Variants in SORL1 observed in about 807,000 individuals in gnomAD.
The protein encoded by SORL1 is sortilin related receptor 1.
Under a neutral mutation model 273.7 loss-of-function variants are expected in SORL1, and 127 were observed. The observed-to-expected ratio is 0.46, with a 90% CI of 0.40 to 0.54. The LOEUF (loss-of-function observed/expected upper bound fraction) is 0.54. SORL1 is among the 20% of genes least tolerant of loss of function. The pLI is 0.00. For missense variants in SORL1, 2,494 were observed against 2,846.1 expected, an observed-to-expected ratio of 0.88 and a Z score of 2.81; for synonymous variants, 1,031 against 1,067.4, an observed-to-expected ratio of 0.97 and a Z score of 0.66.
chr11:121,453,191 T>A (rs1860838123), intron 1 of SORL1, among the ~76,000 whole-genome samples: 1 of 152,120 alleles, frequency 6.6e-6, no homozygotes, highest in Non-Finnish European at 1.5e-5. Context: ...CATTCCTTCT[T>A]CCCCACCCTT....
intron 24 of SORL1, among the ~76,000 whole-genome samples, chr11:121,574,636 A>G (rs958557095): frequency 1.3e-5 from 2 of 152,110 alleles, no homozygotes; most frequent in Admixed American, 1.3e-4. Flanking sequence ...ATGGGACCCT[A>G]GATTCCCATT....
intron 2 of SORL1, 36 bp downstream of exon 2, chr11:121,470,159 C>A: frequency 7.3e-7 from 1 of 1,376,846 alleles, no homozygotes; most frequent in Non-Finnish European, 1.0e-6. Context: ...CACCTTGGTG[C>A]CATCAACATG....
Position 121,606,435 on chromosome 11 carries a change from T to C in SORL1, c.4949-410T>C, listed in dbSNP as rs536514925. ...TCATTTGGATATAGAAATTCTGTGA[T>C]GTTACAAAATTAGTCTTATTTTTTG... On this transcript the variant is annotated intron_variant, in intron 35 of 47. Transcript: ENST00000260197. Among the ~76,000 whole-genome samples, 46 of 152,338 alleles carry C rather than the reference T, an allele frequency of 3.0e-4. 2 individuals carry two copies. In the South Asian group the frequency reaches 8.5e-3, roughly 28 times the overall value.
chr11:121,476,552 A>G (rs570174247), intron 2 of SORL1, among the ~76,000 whole-genome samples: 57 of 152,272 alleles, frequency 3.7e-4, no homozygotes, highest in Non-Finnish European at 6.3e-4. Context: ...TCTAAAGACT[A>G]TGTCTTTTAT....
chr11:121,543,757 A>G lies in SORL1; in HGVS notation c.1864+31A>G, dbSNP rs746791452. The G allele has an allele frequency of 8.8e-6, 14 of 1,593,100 alleles. No homozygotes were observed. In the South Asian group the frequency reaches 1.2e-4, roughly 14 times the overall value. On this transcript the variant is annotated intron_variant, in intron 13 of 47. Coordinates refer to ENST00000260197, the MANE Select transcript of SORL1 (RefSeq NM_003105.6). ...CTGCTGCCTCCTTGGACCTTTTCAC[A>G]TGGATATGCGTGGACTTCCTGTTAT... is the stretch of plus-strand genomic sequence containing the variant.
At chr11:121,500,402 G>A (rs535757974) in intron 6 of SORL1, among the ~76,000 whole-genome samples, 4 of 152,352 alleles carry the variant, frequency 2.6e-5, no homozygotes, top group African/African-American at 9.6e-5. Flanking sequence ...AGATGATGCA[G>A]CCACCCACGC....
At chr11:121,613,509 A>T (rs572865411) in intron 40 of SORL1, among the ~76,000 whole-genome samples, 1 of 152,306 alleles carries the variant, frequency 6.6e-6, no homozygotes, top group East Asian at 1.9e-4. Context: ...TCATAGCCTT[A>T]TAAAGTAGAG....
chr11:121,470,941 G>A (rs1229455118), intron 2 of SORL1, among the ~76,000 whole-genome samples: 4 of 152,062 alleles, frequency 2.6e-5, no homozygotes, highest in Admixed American at 1.3e-4. Context: ...CGCCTGCCTC[G>A]GCCTCCCAAA....
chr11:121,569,308 G>GA (rs552191662), intron 22 of SORL1, among the ~76,000 whole-genome samples: 135 of 152,258 alleles, frequency 8.9e-4, no homozygotes, highest in African/African-American at 2.8e-3. Flanking sequence ...TGGGCACCTT[G>GA]AAAAAAGAAC....
intron 8 of SORL1, among the ~76,000 whole-genome samples, chr11:121,519,412 C>CA (rs1862003712): frequency 1.4e-5 from 2 of 142,232 alleles, no homozygotes; most frequent in Non-Finnish European, 3.1e-5. Flanking sequence ...TTCTCTCTCT[C>CA]TTTTTTTTTT....
intron 8 of SORL1, among the ~76,000 whole-genome samples, chr11:121,515,274 A>T (rs151014140): frequency 8.7e-4 from 132 of 152,360 alleles, no homozygotes; most frequent in Middle Eastern, 3.4e-3. Context: ...GAATATAAGC[A>T]AATATGTGAT....
At chr11:121,547,913 T>C (rs540290573) in intron 14 of SORL1, among the ~76,000 whole-genome samples, 1 of 152,192 alleles carries the variant, frequency 6.6e-6, no homozygotes, top group Non-Finnish European at 1.5e-5. Flanking sequence ...ACAACTGTGT[T>C]TGAACACCAG....
chr11:121,500,561 G>A (rs1388668591), intron 6 of SORL1, among the ~76,000 whole-genome samples: 1 of 152,200 alleles, frequency 6.6e-6, no homozygotes, highest in Non-Finnish European at 1.5e-5. Context: ...TGGTAGAGTT[G>A]CATAGGTACC....
intron 11 of SORL1, among the ~76,000 whole-genome samples, chr11:121,523,628 G>C (rs557292271): frequency 1.3e-5 from 2 of 151,040 alleles, no homozygotes; most frequent in South Asian, 4.2e-4. Context: ...AAAAAAAAAA[G>C]TTGTTGCCAG....
At chr11:121,612,586 G>T in intron 39 of SORL1, 150 bp from the exon 40 acceptor site, 1 of 584,220 alleles carries the variant, frequency 1.7e-6, no homozygotes. Flanking sequence ...AGTAGAACCT[G>T]TTTAAAATTT....
chr11:121,617,712 C>T (rs1863661288), intron 41 of SORL1, among the ~76,000 whole-genome samples: 1 of 152,234 alleles, frequency 6.6e-6, no homozygotes, highest in Admixed American at 6.5e-5. Flanking sequence ...AAAGCTTCCT[C>T]AGCTCCCACC....
At position 121,583,502 on chromosome 11, in the gene SORL1, G is replaced by A. The variant is rs764129966; in HGVS notation, c.3625G>A (p.Gly1209Arg). 1.1e-5 allele frequency: 17 copies of A among 1,612,434 alleles called. No individual in the cohort carries two copies. The highest frequency in any genetic ancestry group is 1.3e-5 in the Non-Finnish European group (15 of 1,179,298). The change falls in exon 26 of 48, where the codon GGG becomes AGG. Residue 1209 changes from glycine to arginine, a missense_variant. Gly to Arg is a moderately radical substitution (Grantham distance 125). Coordinates refer to ENST00000260197, the MANE Select transcript of SORL1 (RefSeq NM_003105.6). ...GGCCTCCAACTTCCAGTGCCGAAAC[G>A]GGCACTGCATCCCCCAGCGGTGGGC... is the stretch of plus-strand genomic sequence containing the variant. ...CEASNFQCRN[G>R]HCIPQRWACD...
intron 11 of SORL1, among the ~76,000 whole-genome samples, chr11:121,523,407 G>A (rs1565323965): frequency 6.6e-6 from 1 of 152,040 alleles, no homozygotes; most frequent in Non-Finnish European, 1.5e-5. Context: ...TATTATTGAA[G>A]TTGAGATGAA....
intron 41 of SORL1, among the ~76,000 whole-genome samples, chr11:121,618,393 T>A (rs1863669711): frequency 6.6e-6 from 1 of 152,214 alleles, no homozygotes; most frequent in African/African-American, 2.4e-5. Context: ...CCCACGTCTG[T>A]GCTGCCAATG....
Sources: gnomAD v4.1 joint callset for allele counts (sites outside exome capture counted in the v4.1 genomes callset) on GRCh38, gnomAD v4.1.1 for gene constraint, MANE v1.5 for transcripts, NCBI Gene and HGNC (gene_info 2026-07-23, HGNC 2026-07-21) for gene names.